PDE10A: variants seen among roughly 807,000 people sequenced by gnomAD.
The protein encoded by PDE10A is cAMP and cAMP-inhibited cGMP 3',5'-cyclic phosphodiesterase 10A.
A neutral mutation model predicts 97.7 loss-of-function variants in PDE10A; 39 were observed. The ratio of observed to expected loss-of-function variants is 0.40; its 90% CI spans 0.31 to 0.52. The LOEUF is 0.52. PDE10A is among the 20% of genes least tolerant of loss of function. The pLI, the probability that PDE10A is intolerant of heterozygous loss-of-function variation, is 0.56. For missense variants in PDE10A, 731 were observed against 1,047.8 expected (o/e 0.70, Z 4.17); for synonymous variants, 371 against 376.8 (o/e 0.98, Z 0.18).
chr6:165,898,857 C>T (rs1459021778), intron 1 of PDE10A, among the ~76,000 whole-genome samples: 1 of 152,170 alleles, frequency 6.6e-6, no homozygotes, highest in Non-Finnish European at 1.5e-5. Flanking sequence ...AAGTGCTGTC[C>T]CTACGGCAGC....
At chr6:165,622,746 C>A (rs1057457214) in intron 1 of PDE10A, among the ~76,000 whole-genome samples, 1 of 152,140 alleles carries the variant, frequency 6.6e-6, no homozygotes, top group Non-Finnish European at 1.5e-5. Flanking sequence ...AAAGAAACTT[C>A]CTTTATAATC....
At chr6:165,540,286 C>G (rs1783351217) in intron 2 of PDE10A, among the ~76,000 whole-genome samples, 1 of 152,126 alleles carries the variant, frequency 6.6e-6, no homozygotes, top group African/African-American at 2.4e-5. Flanking sequence ...AAAAATTCTG[C>G]TGCAATACTC....
At chr6:165,948,629 C>A (rs779900500) in intron 1 of PDE10A, 5 of 152,486 alleles carry the variant, frequency 3.3e-5, no homozygotes, top group Admixed American at 6.5e-5. Flanking sequence ...TAGCTGAGAG[C>A]TGAGGCCCAT....
chr6:165,951,636 C>T (rs1465585317), intron 1 of PDE10A, among the ~76,000 whole-genome samples: 2 of 152,134 alleles, frequency 1.3e-5, no homozygotes, highest in African/African-American at 2.4e-5. Context: ...CTTTCTCACT[C>T]GGTCTCCTAA....
intron 1 of PDE10A, among the ~76,000 whole-genome samples, chr6:165,678,283 CTCTG>C (rs1323639992): frequency 7.2e-6 from 1 of 139,846 alleles, no homozygotes. Flanking sequence ...GTGTGTGTGT[CTCTG>C]TGTGTGTGCA....
At chr6:165,660,876 C>A (rs1456671721) in intron 1 of PDE10A, 1 of 152,190 alleles carries the variant, frequency 6.6e-6, no homozygotes, top group Non-Finnish European at 1.5e-5. Context: ...GCGCCGGAGT[C>A]GGGCGGGGGC....
At chr6:165,840,651 T>C (rs111386345) in intron 1 of PDE10A, among the ~76,000 whole-genome samples, 5 of 152,348 alleles carry the variant, frequency 3.3e-5, no homozygotes, top group African/African-American at 1.2e-4. Flanking sequence ...CTTGCCGTTC[T>C]AGCATACTGT....
At chr6:165,481,528 C>A (rs1779606982) in intron 3 of PDE10A, among the ~76,000 whole-genome samples, 1 of 152,098 alleles carries the variant, frequency 6.6e-6, no homozygotes, top group Non-Finnish European at 1.5e-5. Context: ...TTATGTCTTA[C>A]AATAAAAACT....
chr6:165,487,151 T>A (rs1779970216), intron 2 of PDE10A, among the ~76,000 whole-genome samples: 1 of 152,220 alleles, frequency 6.6e-6, no homozygotes, highest in Non-Finnish European at 1.5e-5. Flanking sequence ...TAAAAATATG[T>A]TTGAGACAAC....
intron 1 of PDE10A, among the ~76,000 whole-genome samples, chr6:165,832,946 T>C (rs1779965366): frequency 6.6e-6 from 1 of 152,174 alleles, no homozygotes; most frequent in African/African-American, 2.4e-5. Flanking sequence ...CCCTGCCTGG[T>C]CCATGTCTAA....
At chr6:165,387,250 A>C (rs545609) in intron 17 of PDE10A, among the ~76,000 whole-genome samples, 80,465 of 151,806 alleles carry the variant, frequency 0.53, 21,620 homozygotes, top group Middle Eastern at 0.68. Context: ...TTCTACCCAG[A>C]AGATAATTCG....
chr6:165,515,976 A>T (rs1781780648), intron 2 of PDE10A, among the ~76,000 whole-genome samples: 1 of 152,236 alleles, frequency 6.6e-6, no homozygotes, highest in Non-Finnish European at 1.5e-5. Context: ...GAAGAGAGCA[A>T]TCTACTCCAA....
intron 1 of PDE10A, among the ~76,000 whole-genome samples, chr6:165,871,932 C>T (rs1346502269): frequency 6.6e-6 from 1 of 152,198 alleles, no homozygotes; most frequent in Non-Finnish European, 1.5e-5. Context: ...AAGAAAATGA[C>T]AGACTGACTC....
chr6:165,695,209 C>CA (rs71029559), intron 1 of PDE10A, among the ~76,000 whole-genome samples: 54,358 of 123,390 alleles, frequency 0.44, 10,618 homozygotes, highest in East Asian at 0.52. Context: ...TGAAAACTAC[C>CA]AAAAAAAAAA....
intron 1 of PDE10A, among the ~76,000 whole-genome samples, chr6:165,806,140 T>A (rs1562745959): frequency 1.4e-5 from 2 of 144,538 alleles, no homozygotes; most frequent in South Asian, 2.4e-4. Flanking sequence ...CAGAGGGTAC[T>A]CAGGCAGTTT....
chr6:165,416,601 C>A (rs905437396), intron 11 of PDE10A, among the ~76,000 whole-genome samples: 1 of 152,142 alleles, frequency 6.6e-6, no homozygotes, highest in Non-Finnish European at 1.5e-5. Context: ...GACGCTTCAA[C>A]ATAAATTTTT....
chr6:165,873,397 C>T (rs958388239), intron 1 of PDE10A, among the ~76,000 whole-genome samples: 1 of 152,196 alleles, frequency 6.6e-6, no homozygotes, highest in African/African-American at 2.4e-5. Flanking sequence ...TGCTAACTTG[C>T]TCTGCGGGGA....
chr6:165,396,605 A>G, intron 13 of PDE10A, 146 bp from the exon 14 acceptor site: 2 of 726,102 alleles, frequency 2.8e-6, no homozygotes, highest in Non-Finnish European at 4.4e-6. Context: ...TTCCATATGC[A>G]CTGGGATGTG....
intron 1 of PDE10A, among the ~76,000 whole-genome samples, chr6:165,658,087 ATTC>A (rs2128429349): frequency 6.6e-6 from 1 of 152,312 alleles, no homozygotes; most frequent in Non-Finnish European, 1.5e-5. Context: ...TTGTTCTCGC[ATTC>A]TTCTACAACC....
Sources: allele counts gnomAD v4.1 joint callset (sites outside exome capture counted in the v4.1 genomes callset), GRCh38; gene constraint gnomAD v4.1.1; transcripts MANE v1.5; gene names NCBI Gene and HGNC (gene_info 2026-07-23, HGNC 2026-07-21).